NRG4: variants seen among roughly 807,000 people sequenced by gnomAD.
NRG4 encodes pro-neuregulin-4, membrane-bound isoform.
In NRG4, 10 loss-of-function variants were observed where a neutral mutation model predicts 15.0. The ratio of observed to expected loss-of-function variants is 0.67; its 90% CI spans 0.41 to 1.13. The LOEUF is 1.13. Ranked by LOEUF, NRG4 falls within the 50% of genes most tolerant of loss-of-function variation. The pLI is 0.00. For missense variants in NRG4, 139 were observed against 140.2 expected, an observed-to-expected ratio of 0.99 and a Z score of 0.04; for synonymous variants, 41 against 50.1, an observed-to-expected ratio of 0.82 and a Z score of 0.77.
intron 3 of NRG4, among the ~76,000 whole-genome samples, chr15:75,998,072 G>T (rs910528740): frequency 6.6e-6 from 1 of 152,196 alleles, no homozygotes; most frequent in African/African-American, 2.4e-5. Flanking sequence ...CCTACATAAT[G>T]TGAAACCCGA....
rs539784084 is a variant in NRG4 at position 76,039,103 on chromosome 15, C to T, written c.-104-3112G>A. On this transcript the variant is annotated intron_variant, in intron 4 of 8. Transcript: ENST00000563910. Reference sequence around the variant, plus strand: ...GGCTTAGATCTTAGATCACAACACTCAAAGTCCTTTTGAATACCTGGAAAA... The same window carrying T: ...GGCTTAGATCTTAGATCACAACACTTAAAGTCCTTTTGAATACCTGGAAAA... Among the ~76,000 whole-genome samples the T allele has an allele frequency of 2.0e-5, 3 of 152,304 alleles. No individual in the cohort carries two copies. The East Asian group carries it at 5.8e-4, about 29-fold the overall frequency.
At chr15:76,041,709 A>T (rs909441528) in intron 4 of NRG4, among the ~76,000 whole-genome samples, 1 of 152,148 alleles carries the variant, frequency 6.6e-6, no homozygotes, top group African/African-American at 2.4e-5. Flanking sequence ...AAAGAAAGAG[A>T]TAAACTCCAA....
intron 1 of NRG4, among the ~76,000 whole-genome samples, chr15:76,058,717 G>A (rs537969617): frequency 2.6e-5 from 4 of 152,294 alleles, no homozygotes; most frequent in Non-Finnish European, 5.9e-5. Flanking sequence ...CTAGAAACAA[G>A]GGTTTCCCAT....
chr15:75,951,244 T>G (rs2031886137), intron 5 of NRG4: 1 of 137,750 alleles, frequency 7.3e-6, no homozygotes, highest in African/African-American at 2.7e-5. Context: ...CTCAGCTTAC[T>G]GCAACCTCTG....
intron 3 of NRG4, among the ~76,000 whole-genome samples, chr15:75,991,996 A>G (rs2034034371): frequency 6.6e-6 from 1 of 152,098 alleles, no homozygotes; most frequent in Non-Finnish European, 1.5e-5. Flanking sequence ...CTCATTATCT[A>G]TAAACCTTTT....
intron 3 of NRG4, among the ~76,000 whole-genome samples, chr15:75,976,025 A>G (rs923610842): frequency 6.6e-6 from 1 of 151,668 alleles, no homozygotes; most frequent in Non-Finnish European, 1.5e-5. Context: ...ACATAGTCCC[A>G]TATTTCGTTC....
chr15:75,943,988 G>A (rs1488087742), intron 5 of NRG4, among the ~76,000 whole-genome samples: 2 of 151,462 alleles, frequency 1.3e-5, no homozygotes, highest in South Asian at 4.2e-4. Flanking sequence ...AGATATACAA[G>A]TTAGAAAAGG....
intron 5 of NRG4, among the ~76,000 whole-genome samples, chr15:76,023,967 C>T (rs1043840306): frequency 6.6e-6 from 1 of 152,170 alleles, no homozygotes; most frequent in African/African-American, 2.4e-5. Flanking sequence ...TTTGGGCTGT[C>T]CCCCAAACAG....
At chr15:75,953,771 C>T (rs1220870891) in intron 5 of NRG4, among the ~76,000 whole-genome samples, 1 of 152,180 alleles carries the variant, frequency 6.6e-6, no homozygotes, top group East Asian at 1.9e-4. Flanking sequence ...TGGCTCACCG[C>T]AGCCTTGACC....
At chr15:76,044,228 TC>T (rs1482337164) in intron 4 of NRG4, among the ~76,000 whole-genome samples, 5 of 149,590 alleles carry the variant, frequency 3.3e-5, no homozygotes, top group Admixed American at 2.0e-4. Context: ...GGTCTCGATC[TC>T]CTGACCTCAT....
intron 4 of NRG4, among the ~76,000 whole-genome samples, chr15:75,958,424 G>T (rs2032352839): frequency 6.6e-6 from 1 of 152,106 alleles, no homozygotes; most frequent in African/African-American, 2.4e-5. Context: ...TACTGTTTCT[G>T]CTAGTTCTAA....
chr15:76,050,763 C>T (rs572497335), intron 4 of NRG4, among the ~76,000 whole-genome samples: 1 of 147,574 alleles, frequency 6.8e-6, no homozygotes, highest in South Asian at 2.1e-4. Context: ...TTTTTCTAAG[C>T]TCAGCAACTT....
At chr15:76,023,454 T>C (rs544874544) in intron 5 of NRG4, among the ~76,000 whole-genome samples, 16 of 152,304 alleles carry the variant, frequency 1.1e-4, no homozygotes, top group African/African-American at 3.8e-4. Context: ...CCACTGCAAA[T>C]GCCCACAGTC....
intron 5 of NRG4, among the ~76,000 whole-genome samples, chr15:76,023,174 ACACACACAC>A (rs2035211334): frequency 6.8e-5 from 10 of 147,676 alleles, no homozygotes; most frequent in East Asian, 2.0e-4. Flanking sequence ...ACACACACAC[ACACACACAC>A]AAGCAAGGAC....
chr15:76,008,498 G>C (rs751933937), intron 3 of NRG4, among the ~76,000 whole-genome samples: 16 of 152,092 alleles, frequency 1.1e-4, no homozygotes, highest in South Asian at 6.2e-4. Flanking sequence ...TTTAGATCTT[G>C]GGTGTTAGCT....
Position 75,977,969 on chromosome 15 carries a change from A to C in NRG4, c.105-15995T>G, listed in dbSNP as rs1241898937. 2.0e-5 allele frequency among the ~76,000 whole-genome samples: 3 copies of C among 151,978 alleles called. No individual in the cohort carries two copies. In the East Asian group the frequency reaches 5.8e-4, roughly 29 times the overall value. ...GTAGCTGGGATCACAGGTGCCTGCC[A>C]CCATGCCCAGCTAATTTTTGTATTT... On this transcript the variant is annotated intron_variant, in intron 3 of 5. Coordinates refer to ENST00000394907, the MANE Select transcript of NRG4 (RefSeq NM_138573.4). This position sits in a 1 kb window ranked among gnomAD's most constrained non-coding sequence, Gnocchi z 4.9.
chr15:75,939,441 A>T (rs2030711891), downstream of NRG4: 1 of 152,200 alleles, frequency 6.6e-6, no homozygotes, highest in Admixed American at 6.5e-5. Flanking sequence ...TCTCCTGGAA[A>T]AAAAGCACTG....
At chr15:75,972,653 T>C (rs1595972705) in intron 3 of NRG4, among the ~76,000 whole-genome samples, 3 of 152,328 alleles carry the variant, frequency 2.0e-5, no homozygotes, top group East Asian at 3.9e-4. Context: ...TTATTTTTTG[T>C]CAGGTTTGCC....
rs533320992 is a variant in NRG4 at position 76,049,337 on chromosome 15, T to C, written c.-105+2730A>G. Among the ~76,000 whole-genome samples, 6 of 151,014 alleles carry C rather than the reference T, an allele frequency of 4.0e-5. 1 individual carries two copies. Among genetic ancestry groups the C allele is most frequent in the Admixed American group, 6.6e-5 (1 of 15,238 alleles). On this transcript the variant is annotated intron_variant, in intron 4 of 8. Coordinates refer to the NRG4 transcript ENST00000563910. ...TAATTTTTCCTCAACTTGTGTCTAT[T>C]TTTTCTCCTACTCAAATGCTTCTTT...
Sources: allele counts gnomAD v4.1 joint callset (sites outside exome capture counted in the v4.1 genomes callset), GRCh38; gene constraint gnomAD v4.1.1; non-coding constraint Gnocchi (gnomAD v3.1); transcripts MANE v1.5; gene names NCBI Gene and HGNC (gene_info 2026-07-23, HGNC 2026-07-21).